Variants in MIA3 observed in about 807,000 individuals in gnomAD.
MIA3 encodes the protein MIA SH3 domain ER export factor 3.
MIA3 carries 90 observed loss-of-function variants against 192.4 expected under a neutral mutation model. That is an observed-to-expected ratio of 0.47 (90% CI 0.39 to 0.56). MIA3 has a LOEUF of 0.56. Among genes scored for constraint, MIA3 ranks in the 20% least tolerant of loss-of-function variants. The probability of loss-of-function intolerance (pLI) is 0.00; values close to 1 mark genes in which losing one functional copy is unlikely to be tolerated. For missense variants in MIA3, 2,123 were observed against 2,269.4 expected, an observed-to-expected ratio of 0.94 and a Z score of 1.31; for synonymous variants, 740 against 792.8, an observed-to-expected ratio of 0.93 and a Z score of 1.12.
intron 16 of MIA3, 43 bp from the exon 17 acceptor site, chr1:222,654,346 A>G (rs368745179): frequency 3.1e-6 from 5 of 1,611,434 alleles, no homozygotes; most frequent in East Asian, 2.2e-5. Context: ...TACTTTTACT[A>G]TGCCTCACTT....
At position 222,629,299 on chromosome 1, in the gene MIA3, T is replaced by TCA; in HGVS notation, c.2082_2083dup (p.Lys695ThrfsTer9). 2.5e-6 allele frequency: 4 copies of TCA among 1,614,170 alleles called. No individual in the cohort carries two copies. The highest frequency in any genetic ancestry group is 3.4e-6 in the Non-Finnish European group (4 of 1,180,024). On this transcript the variant is annotated frameshift_variant, in exon 4 of 28. Transcript: ENST00000344922. LOFTEE classifies it high-confidence loss of function. Reference sequence around the variant, plus strand: ...ACTCCTTGGATGAAGAGTTTTTTCATCACAAGGCAATGCAGGGCACAGAGG... The same window carrying TCA: ...ACTCCTTGGATGAAGAGTTTTTTCATCACACAAGGCAATGCAGGGCACAGAGG...
At position 222,633,128 on chromosome 1, in the gene MIA3, C is replaced by A. The variant is rs761915638; in HGVS notation, c.3356C>A (p.Pro1119His). ...DPGPVTTEDT[P>H]MDAIDANKQP... ...GGGCCAGTTACAACAGAAGACACTC[C>A]TATGGATGCTATTGATGCAAACAAG... The change falls in exon 6 of 28, where the codon CCT becomes CAT. Residue 1119 changes from proline to histidine, a missense_variant. Around this residue, in one of 3 missense-constraint regions of MIA3, gnomAD observed 1,357 missense variants for 1,396.1 expected, o/e 0.97. Coordinates refer to ENST00000344922, the MANE Select transcript of MIA3 (RefSeq NM_198551.4). 7.7e-5 allele frequency: 124 copies of A among 1,612,622 alleles called. No homozygotes were observed. The highest frequency in any genetic ancestry group is 9.7e-5 in the Non-Finnish European group (114 of 1,179,676).
chr1:222,651,159 A>G (rs1428068299), intron 11 of MIA3, among the ~76,000 whole-genome samples: 51 of 151,578 alleles, frequency 3.4e-4, no homozygotes, highest in Non-Finnish European at 8.8e-5. Context: ...AACATGTGGA[A>G]CAACTAAGAA....
intron 8 of MIA3, chr1:222,650,080 C>G (rs1397281320): frequency 9.3e-6 from 5 of 536,140 alleles, no homozygotes; most frequent in Admixed American, 5.7e-5. Context: ...CACCTTCCAC[C>G]AGGCCCCACC....
intron 24 of MIA3, 143 bp downstream of exon 24, chr1:222,660,457 T>A: frequency 3.2e-6 from 2 of 629,254 alleles, no homozygotes; most frequent in Non-Finnish European, 4.9e-6. Context: ...TGGATTCAAC[T>A]GCAAGTATTC....
At chr1:222,643,915 G>A (rs1662984061) in intron 6 of MIA3, among the ~76,000 whole-genome samples, 1 of 152,106 alleles carries the variant, frequency 6.6e-6, no homozygotes, top group Admixed American at 6.6e-5. Flanking sequence ...AGGTCTGGAG[G>A]CGGAACAGTA....
intron 3 of MIA3, 119 bp from the exon 4 acceptor site, chr1:222,627,456 G>T: frequency 1.2e-6 from 1 of 863,896 alleles, no homozygotes; most frequent in Non-Finnish European, 1.8e-6. Flanking sequence ...CAGTGTTGAC[G>T]CAAAAGCTCC....
chr1:222,641,077 A>T (rs1238377921), intron 6 of MIA3, among the ~76,000 whole-genome samples: 1 of 152,242 alleles, frequency 6.6e-6, no homozygotes, highest in Non-Finnish European at 1.5e-5. Flanking sequence ...GTGTTGGAGA[A>T]GATGTGGAGG....
intron 6 of MIA3, chr1:222,644,257 G>C (rs1027573022): frequency 7.3e-7 from 1 of 1,363,916 alleles, no homozygotes; most frequent in Admixed American, 3.1e-5. Context: ...GCCCTCGCCG[G>C]CCGGCTCCTT....
In MIA3 at chr1:222,630,357, C is replaced by T; in HGVS notation, c.3137C>T (p.Pro1046Leu). 3 of 1,611,248 alleles carry T rather than the reference C, an allele frequency of 1.9e-6. No homozygotes were observed. In the South Asian group the frequency reaches 3.3e-5, roughly 18 times the overall value. Residue 1046 changes from proline to leucine, a missense_variant, in exon 4 of 28, where the codon CCT becomes CTT. By Grantham distance (98) the Pro-to-Leu change is moderately conservative (BLOSUM62 -3). Transcript: ENST00000344922. ...EETATLVMAP[P>L]LEEGLGGAME... ...ACAGCCACACTGGTGATGGCACCACCTCTAGAGGAAGGCTTGGGTGGAGCA... is the reference window on the plus strand; with the variant it reads ...ACAGCCACACTGGTGATGGCACCACTTCTAGAGGAAGGCTTGGGTGGAGCA...
intron 2 of MIA3, among the ~76,000 whole-genome samples, chr1:222,623,694 A>G (rs916473436): frequency 1.7e-4 from 26 of 152,208 alleles, no homozygotes; most frequent in Non-Finnish European, 2.4e-4. Context: ...AATTAGTGAT[A>G]AGATGGCCTT....
chr1:222,637,639 C>A (rs1460112693), intron 6 of MIA3, among the ~76,000 whole-genome samples: 1 of 150,188 alleles, frequency 6.7e-6, no homozygotes, highest in Non-Finnish European at 1.5e-5. Context: ...ATTATGCTGT[C>A]ATGGATTTAA....
intron 5 of MIA3, 85 bp from the exon 6 acceptor site, chr1:222,633,019 A>G (rs981611700): frequency 7.5e-7 from 1 of 1,335,434 alleles, no homozygotes; most frequent in Non-Finnish European, 1.0e-6. Flanking sequence ...ACAGTGCCTA[A>G]TATTTAGTGG....
At chr1:222,645,011 G>A (rs996253243) in intron 6 of MIA3, among the ~76,000 whole-genome samples, 2 of 152,068 alleles carry the variant, frequency 1.3e-5, no homozygotes, top group African/African-American at 4.8e-5. Context: ...AATTCAAAGC[G>A]GTTTATCTAG....
rs1664281863 is a variant in MIA3 at position 222,666,283 on chromosome 1, C to CA, written c.*666dup. 1 of 152,190 alleles carries CA rather than the reference C, an allele frequency of 6.6e-6. No homozygotes were observed. Among genetic ancestry groups the CA allele is most frequent in the African/African-American group, 2.4e-5 (1 of 41,446 alleles). 9.4% of individuals were successfully genotyped at this position (152,190 alleles called of 1,614,324 possible). ...GCTCCTCCGTCACCTGTGAACTCTA[C>CA]AAGTGACGTCTTTTTATTTCAAAGA... is the stretch of plus-strand genomic sequence containing the variant. On this transcript the variant is annotated 3_prime_UTR_variant, in exon 28 of 28. Coordinates refer to ENST00000344922, the MANE Select transcript of MIA3 (RefSeq NM_198551.4).
At chr1:222,635,995 T>C (rs1662607318) in intron 6 of MIA3, among the ~76,000 whole-genome samples, 1 of 152,238 alleles carries the variant, frequency 6.6e-6, no homozygotes, top group Non-Finnish European at 1.5e-5. Flanking sequence ...CTTTAAATAT[T>C]TGAAGTTATA....
intron 26 of MIA3, chr1:222,662,801 T>C (rs567471882): frequency 8.6e-5 from 14 of 162,686 alleles, no homozygotes; most frequent in Admixed American, 1.7e-4. Flanking sequence ...TAATTCATTA[T>C]TATGTCTTCA....
Position 222,654,810 on chromosome 1 carries a change from T to C in MIA3, c.4607+17T>C. 1 of 1,607,692 alleles carries C rather than the reference T, an allele frequency of 6.2e-7. No individual in the cohort carries two copies. The highest frequency in any genetic ancestry group is 1.1e-5 in the South Asian group (1 of 90,828). ...TTTGCAAAAGTAAGATTATCATCAT[T>C]TACTGTTAACTGTATTGTCATGTCA... is the stretch of plus-strand genomic sequence containing the variant. On this transcript the variant is annotated intron_variant, in intron 18 of 27. Coordinates refer to ENST00000344922, the MANE Select transcript of MIA3 (RefSeq NM_198551.4).
intron 1 of MIA3, 84 bp downstream of exon 1, chr1:222,618,327 G>T: frequency 8.1e-7 from 1 of 1,235,256 alleles, no homozygotes; most frequent in Middle Eastern, 2.8e-4. Flanking sequence ...CGGCGGCGCC[G>T]CCTGGGCTGT....
Sources: gnomAD v4.1 joint callset for allele counts (sites outside exome capture counted in the v4.1 genomes callset) on GRCh38, gnomAD v4.1.1 for gene constraint, gnomAD v4.1.1 regional missense constraint, MANE v1.5 for transcripts, NCBI Gene and HGNC (gene_info 2026-07-23, HGNC 2026-07-21) for gene names.